USP38: variants seen among roughly 807,000 people sequenced by gnomAD.
USP38 encodes the protein ubiquitin carboxyl-terminal hydrolase 38.
In USP38, 49 loss-of-function variants were observed where a neutral mutation model predicts 94.3. The ratio of observed to expected loss-of-function variants is 0.52; its 90% CI spans 0.41 to 0.66. The LOEUF is 0.66. Ranked by LOEUF, USP38 falls within the 30% of genes least tolerant of loss-of-function variation. USP38 has a pLI of 0.00. For missense variants in USP38, 1,128 were observed against 1,229.4 expected (o/e 0.92, Z 1.23); for synonymous variants, 468 against 463.6 (o/e 1.01, Z -0.12).
At chr4:143,217,388 T>TA (rs1303803687) in intron 9 of USP38, among the ~76,000 whole-genome samples, 2 of 152,322 alleles carry the variant, frequency 1.3e-5, no homozygotes, top group South Asian at 2.1e-4. Flanking sequence ...ATTTTTGAGA[T>TA]ATAATTATTA....
chr4:143,203,323 A>G (rs1731767232), intron 4 of USP38, 85 bp from the exon 5 acceptor site: 2 of 1,328,456 alleles, frequency 1.5e-6, no homozygotes, highest in Non-Finnish European at 2.1e-6. Flanking sequence ...TGCTGATCAT[A>G]TATCGTTTGT....
intron 7 of USP38, 64 bp downstream of exon 7, chr4:143,209,721 C>A: frequency 1.0e-6 from 1 of 995,190 alleles, no homozygotes; most frequent in Non-Finnish European, 1.5e-6. Flanking sequence ...TTAAACTTTA[C>A]CTTATACCTA....
At chr4:143,187,984 A>C (rs1731277934) in intron 2 of USP38, 23 bp downstream of exon 2, 3 of 1,588,508 alleles carry the variant, frequency 1.9e-6, no homozygotes, top group Non-Finnish European at 2.6e-6. Context: ...GACACTATTA[A>C]TGGTAATTGT....
Position 143,220,506 on chromosome 4 carries a change from C to T in USP38, c.*50C>T, listed in dbSNP as rs1553936040. 2.0e-5 allele frequency: 29 copies of T among 1,469,986 alleles called. 1 individual carries two copies. The South Asian group carries it at 3.9e-4, about 20-fold the overall frequency. The allele number at this position is 1,469,986 out of a possible 1,614,324, so 91.1% of individuals were successfully genotyped here. On this transcript the variant is annotated 3_prime_UTR_variant, in exon 10 of 10. Coordinates refer to ENST00000307017, the MANE Select transcript of USP38 (RefSeq NM_032557.6). ...GGTCACGAAACGTCTAATACTATGACTGTTAAAATGTCAGACTATAACAAA... is the reference window on the plus strand; with the variant it reads ...GGTCACGAAACGTCTAATACTATGATTGTTAAAATGTCAGACTATAACAAA...
rs374263196 is a variant in USP38, at chr4:143,214,014, A to C, written c.2038A>C (p.Ser680Arg). The C allele has an allele frequency of 3.7e-6, 6 of 1,613,526 alleles. No homozygotes were observed. Among genetic ancestry groups the C allele is most frequent in the African/African-American group, 2.7e-5 (2 of 74,900 alleles). Residue 680 changes from serine to arginine, a missense_variant, in exon 9 of 10, where the codon AGT becomes CGT. Physicochemically the swap from Ser to Arg is moderately radical, Grantham distance 110. Transcript: ENST00000307017. ...ACTTGTGAATGAAAAAACCATAGGC[A>C]GTCCTCCTAATGAGTTTTACTGTTC... ...DSLVNEKTIG[S>R]PPNEFYCSEN...
intron 4 of USP38, among the ~76,000 whole-genome samples, chr4:143,200,893 A>G (rs1215138711): frequency 6.6e-6 from 1 of 152,208 alleles, no homozygotes; most frequent in East Asian, 1.9e-4. Context: ...AAACAAATGG[A>G]AAAACATCCC....
Position 143,188,276 on chromosome 4 carries a change from CT to C in USP38, c.818+318del, listed in dbSNP as rs1269123552. 3.9e-5 allele frequency among the ~76,000 whole-genome samples: 6 copies of C among 152,002 alleles called. No homozygotes were observed. In the East Asian group the frequency reaches 1.2e-3, roughly 29 times the overall value. Reference sequence around the variant, plus strand: ...CATTATTGTTTCCTGCAACCTATTTCTTTCTTCTGCGTTTTTTTTTCTTTCT... The same window carrying C: ...CATTATTGTTTCCTGCAACCTATTTCTTCTTCTGCGTTTTTTTTTCTTTCT... On this transcript the variant is annotated intron_variant, in intron 2 of 9. Coordinates refer to ENST00000307017, the MANE Select transcript of USP38 (RefSeq NM_032557.6).
intron 1 of USP38, among the ~76,000 whole-genome samples, chr4:143,186,376 T>C (rs890185662): frequency 2.0e-5 from 3 of 152,220 alleles, no homozygotes; most frequent in African/African-American, 7.2e-5. Context: ...CCTTTGGCAC[T>C]AAACAAGTTG....
chr4:143,211,708 C>G (rs1732029286), intron 7 of USP38, among the ~76,000 whole-genome samples: 1 of 152,082 alleles, frequency 6.6e-6, no homozygotes, highest in Non-Finnish European at 1.5e-5. Flanking sequence ...ATGGCAAAAT[C>G]TAGGATTTGA....
intron 9 of USP38, among the ~76,000 whole-genome samples, chr4:143,217,630 T>C (rs1175442115): frequency 6.6e-6 from 1 of 152,180 alleles, no homozygotes; most frequent in Non-Finnish European, 1.5e-5. Flanking sequence ...AAACTCACCT[T>C]GTGATAATTT....
chr4:143,187,112 C>T (rs1026012996), intron 1 of USP38, among the ~76,000 whole-genome samples: 1 of 152,102 alleles, frequency 6.6e-6, no homozygotes, highest in Non-Finnish European at 1.5e-5. Context: ...TGTAATTTTA[C>T]TTCTATTGCC....
chr4:143,201,472 A>AATCTAGTAG (rs1213579090), intron 4 of USP38, among the ~76,000 whole-genome samples: 27 of 152,288 alleles, frequency 1.8e-4, no homozygotes, highest in African/African-American at 6.5e-4. Context: ...GACATTCCTT[A>AATCTAGTAG]ATCTAGTAGT....
intron 3 of USP38, among the ~76,000 whole-genome samples, chr4:143,196,536 G>C (rs1157717729): frequency 6.6e-6 from 1 of 151,984 alleles, no homozygotes; most frequent in African/African-American, 2.4e-5. Context: ...TTGTTTCCAG[G>C]ACATTATACT....
chr4:143,204,364 T>C (rs1731801649), intron 5 of USP38: 1 of 454,756 alleles, frequency 2.2e-6, no homozygotes, highest in Non-Finnish European at 4.4e-6. Context: ...ATACTGTGTT[T>C]CAATTTTATA....
chr4:143,199,721 C>A (rs926349395), intron 4 of USP38, among the ~76,000 whole-genome samples: 1 of 152,100 alleles, frequency 6.6e-6, no homozygotes, highest in Non-Finnish European at 1.5e-5. Context: ...ATTTGCATTT[C>A]TCTGCTGATC....
At chr4:143,187,176 AG>A (rs566012020) in intron 1 of USP38, among the ~76,000 whole-genome samples, 179 of 152,320 alleles carry the variant, frequency 1.2e-3, no homozygotes, top group African/African-American at 4.3e-3. Flanking sequence ...GTAGCAGTAA[AG>A]GTACTTGTCT....
intron 7 of USP38, among the ~76,000 whole-genome samples, chr4:143,211,088 A>G (rs71632806): frequency 2.1e-3 from 320 of 152,058 alleles, no homozygotes; most frequent in Non-Finnish European, 3.4e-3. Context: ...TATAAAATAT[A>G]TATGTAGGCA....
chr4:143,214,126 C>T lies in USP38; in HGVS notation c.2150C>T (p.Ser717Leu). The change falls in exon 9 of 10, where the codon TCA becomes TTA. Residue 717 changes from serine to leucine, a missense_variant. Ser to Leu is a moderately radical substitution (Grantham distance 145). Coordinates refer to ENST00000307017, the MANE Select transcript of USP38 (RefSeq NM_032557.6). ...PQKPGGETTP[S>L]VTDLLNYFLA... ...AAACCAGGAGGTGAAACCACACCTT[C>T]AGTAACTGACTTACTAAATTATTTT... is the stretch of plus-strand genomic sequence containing the variant. 1 of 1,612,854 alleles carries T rather than the reference C, an allele frequency of 6.2e-7. No homozygotes were observed. The highest frequency in any genetic ancestry group is 8.5e-7 in the Non-Finnish European group (1 of 1,179,598).
rs1301907491 is a variant in USP38 at position 143,186,005 on chromosome 4, AAG to A, written c.560_561del (p.Glu187AlafsTer13). 6.2e-7 allele frequency: 1 copy of A among 1,614,204 alleles called. No individual in the cohort carries two copies. The highest frequency in any genetic ancestry group is 1.7e-5 in the Admixed American group (1 of 60,026). On this transcript the variant is annotated frameshift_variant, in exon 1 of 10. Transcript: ENST00000307017. LOFTEE classifies it high-confidence loss of function. ...GHFQCVSTQE[R>X]ELREYVSQVT... ...ATTTCCAGTGCGTGTCCACCCAGGAAAGAGAGCTGCGGGAATATGTCTCCCAG... is the reference window on the plus strand; with the variant it reads ...ATTTCCAGTGCGTGTCCACCCAGGAAAGAGCTGCGGGAATATGTCTCCCAG...
Sources: allele counts gnomAD v4.1 joint callset (sites outside exome capture counted in the v4.1 genomes callset), GRCh38; gene constraint gnomAD v4.1.1; transcripts MANE v1.5; gene names NCBI Gene and HGNC (gene_info 2026-07-23, HGNC 2026-07-21).